Variants in CDHR3 observed in about 807,000 individuals in gnomAD.
CDHR3 encodes cadherin related family member 3.
A neutral mutation model predicts 86.6 loss-of-function variants in CDHR3; 79 were observed. The observed-to-expected ratio is 0.91, with a 90% CI of 0.76 to 1.10. The LOEUF is 1.10. CDHR3 is among the 50% of genes least tolerant of loss of function. CDHR3 has a pLI of 0.00. For missense variants in CDHR3, 1,081 were observed against 1,077.6 expected, an observed-to-expected ratio of 1.00 and a Z score of -0.04; for synonymous variants, 421 against 402.4, an observed-to-expected ratio of 1.05 and a Z score of -0.55.
At chr7:105,974,112 C>T (rs1828406450) in intron 1 of CDHR3, among the ~76,000 whole-genome samples, 1 of 152,176 alleles carries the variant, frequency 6.6e-6, no homozygotes, top group Non-Finnish European at 1.5e-5. Context: ...TAGTGTTGTG[C>T]ACCTTAGAAT....
intron 5 of CDHR3, 118 bp from the exon 6 acceptor site, chr7:105,996,132 C>T (rs373294364): frequency 1.6e-6 from 1 of 611,222 alleles, no homozygotes; most frequent in South Asian, 2.0e-5. Context: ...TACGGAGAGG[C>T]TCACCACCAA....
At chr7:106,007,199 G>A (rs1169059614) in intron 8 of CDHR3, among the ~76,000 whole-genome samples, 1 of 152,218 alleles carries the variant, frequency 6.6e-6, no homozygotes, top group Non-Finnish European at 1.5e-5. Context: ...GGCCCATGAA[G>A]CCGTTTCTTC....
At position 106,034,293 on chromosome 7, in the gene CDHR3, C is replaced by T. The variant is rs1407679416; in HGVS notation, c.*1596C>T. On this transcript the variant is annotated 3_prime_UTR_variant, in exon 19 of 19. Transcript: ENST00000317716. ...ATGCCCTGCTGCCCAGCTGCTGCGA[C>T]CCTAGTCCAGTAACCCTAAGAAAGG... Among the ~76,000 whole-genome samples, 1 of 152,240 alleles carries T rather than the reference C, an allele frequency of 6.6e-6. No homozygotes were observed. The highest frequency in any genetic ancestry group is 2.4e-5 in the African/African-American group (1 of 41,462).
At chr7:106,011,872 G>T (rs941210336) in intron 8 of CDHR3, among the ~76,000 whole-genome samples, 2 of 152,140 alleles carry the variant, frequency 1.3e-5, no homozygotes, top group African/African-American at 4.8e-5. Context: ...CTGAGATCAA[G>T]ACCCCCGAAT....
rs912200601 is a variant in CDHR3 at position 106,036,154 on chromosome 7, G to T, written c.*3457G>T. ...TTGGAGCTTTTTGTTGTGCTCATTA[G>T]AAAGCAGGGTCTGAAACTCAGCCTG... On this transcript the variant is annotated 3_prime_UTR_variant, in exon 19 of 19. Transcript: ENST00000317716. 1.3e-5 allele frequency: 2 copies of T among 152,312 alleles called. No individual in the cohort carries two copies. Among genetic ancestry groups the T allele is most frequent in the African/African-American group, 4.8e-5 (2 of 41,564 alleles). The allele number at this position is 152,312 out of a possible 1,614,324, so 9.4% of individuals were successfully genotyped here.
At chr7:106,028,940 C>CTTTT (rs879892371) in intron 17 of CDHR3, among the ~76,000 whole-genome samples, 1 of 133,708 alleles carries the variant, frequency 7.5e-6, no homozygotes, top group Non-Finnish European at 1.6e-5. Context: ...TTCTTTCTTT[C>CTTTT]TTTCTTTCTT....
rs747845533 is a variant in CDHR3 at position 106,032,405 on chromosome 7, CAT to C, written c.2369_2370del (p.Tyr790Ter). 7 of 1,608,264 alleles carry C rather than the reference CAT, an allele frequency of 4.4e-6. No homozygotes were observed. The African/African-American group carries it at 5.4e-5, about 12-fold the overall frequency. Reference sequence around the variant, plus strand: ...TTTTTTTCACTAGTGACCGGGGAAACATATGAATTCAACTCAAAAACTGGAGC... The same window carrying C: ...TTTTTTTCACTAGTGACCGGGGAAACATGAATTCAACTCAAAAACTGGAGC... On this transcript the variant is annotated frameshift_variant, in exon 19 of 19. Transcript: ENST00000317716. LOFTEE classifies it high-confidence loss of function.
rs1295807911 is a variant in CDHR3, at chr7:106,031,202, C to A, written c.2353+362C>A. ...TTTCCTGCTGTTTGGTACTGATTGC[C>A]CCCCCCAGCCCATCCACATTCTTCC... On this transcript the variant is annotated intron_variant, in intron 18 of 18. Coordinates refer to ENST00000317716, the MANE Select transcript of CDHR3 (RefSeq NM_152750.5). Among the ~76,000 whole-genome samples the A allele has an allele frequency of 2.6e-5, 4 of 151,916 alleles. No homozygotes were observed. The East Asian group carries it at 5.8e-4, about 22-fold the overall frequency.
intron 4 of CDHR3, among the ~76,000 whole-genome samples, chr7:105,987,474 C>T (rs899846669): frequency 3.3e-5 from 5 of 152,094 alleles, no homozygotes; most frequent in Admixed American, 6.5e-5. Context: ...TGTACTTAGA[C>T]GTTTTATTCT....
intron 3 of CDHR3, among the ~76,000 whole-genome samples, chr7:105,982,267 G>C (rs1346014242): frequency 6.6e-6 from 1 of 151,802 alleles, no homozygotes; most frequent in Non-Finnish European, 1.5e-5. Context: ...AGGAGATTGA[G>C]ACCATCCTGG....
At chr7:106,024,034 C>T (rs75853071) in intron 14 of CDHR3, among the ~76,000 whole-genome samples, 15,481 of 151,990 alleles carry the variant, frequency 0.1, 1,028 homozygotes, top group Middle Eastern at 0.17. Flanking sequence ...TATGCTGTCT[C>T]GGTGAGAGAC....
chr7:105,977,537 T>C (rs752320041), intron 2 of CDHR3, among the ~76,000 whole-genome samples: 8 of 152,200 alleles, frequency 5.3e-5, no homozygotes, highest in Non-Finnish European at 1.0e-4. Context: ...AACCCTGTGT[T>C]GGTACTAAGA....
intron 2 of CDHR3, among the ~76,000 whole-genome samples, chr7:105,977,227 GC>G (rs1274291479): frequency 9.2e-5 from 14 of 152,180 alleles, no homozygotes; most frequent in Non-Finnish European, 1.9e-4. Context: ...AGATCACATA[GC>G]CGTAAAAGGT....
chr7:105,985,069 A>G (rs1830329067), intron 4 of CDHR3, among the ~76,000 whole-genome samples: 1 of 152,094 alleles, frequency 6.6e-6, no homozygotes, highest in Non-Finnish European at 1.5e-5. Context: ...AAAAAAAAAA[A>G]AAAAAAATTA....
chr7:105,975,181 G>C, intron 2 of CDHR3, 135 bp downstream of exon 2: 1 of 774,628 alleles, frequency 1.3e-6, no homozygotes, highest in Non-Finnish European at 2.2e-6. Flanking sequence ...CAGGAGTCCT[G>C]TCTGAGGCAT....
At chr7:105,999,781 G>A (rs1832847510) in intron 6 of CDHR3, among the ~76,000 whole-genome samples, 1 of 152,178 alleles carries the variant, frequency 6.6e-6, no homozygotes, top group South Asian at 2.1e-4. Context: ...GAAAAAGCCA[G>A]TCCTGGTTCA....
chr7:106,027,535 A>C (rs1215182307), intron 16 of CDHR3: 3 of 308,336 alleles, frequency 9.7e-6, no homozygotes, highest in Non-Finnish European at 2.0e-5. Flanking sequence ...CTGACTTCAG[A>C]GAAGTGGGTA....
At chr7:106,005,908 G>A (rs899039267) in intron 8 of CDHR3, among the ~76,000 whole-genome samples, 2 of 152,178 alleles carry the variant, frequency 1.3e-5, no homozygotes, top group South Asian at 2.1e-4. Context: ...GCTCCAAGAC[G>A]CTGACCTGGA....
At position 105,996,236 on chromosome 7, in the gene CDHR3, T is replaced by C. The variant is rs1050593119; in HGVS notation, c.609-14T>C. 1.4e-6 allele frequency: 2 copies of C among 1,451,088 alleles called. No homozygotes were observed. The highest frequency in any genetic ancestry group is 2.3e-5 in the East Asian group (1 of 43,312). The allele number at this position is 1,451,088 out of a possible 1,614,324, so 89.9% of individuals were successfully genotyped here. A position where few individuals can be genotyped will look rare whatever the true frequency, so the allele number is the denominator to read the frequency against. ...CAAAGCTTGATTCTCTCACGTGGAA[T>C]GTTTCCCTGGCAGTTTCCATCTCAT... On this transcript the variant is annotated splice_polypyrimidine_tract_variant and intron_variant, in intron 5 of 18. Transcript: ENST00000317716.
Sources: allele counts gnomAD v4.1 joint callset (sites outside exome capture counted in the v4.1 genomes callset), GRCh38; gene constraint gnomAD v4.1.1; transcripts MANE v1.5; gene names NCBI Gene and HGNC (gene_info 2026-07-23, HGNC 2026-07-21).